Variants in PDE4D observed in about 807,000 individuals in gnomAD.
PDE4D encodes the protein 3',5'-cyclic-AMP phosphodiesterase 4D.
A neutral mutation model predicts 87.4 loss-of-function variants in PDE4D; 24 were observed. The ratio of observed to expected loss-of-function variants is 0.27; its 90% CI spans 0.20 to 0.39. The LOEUF (loss-of-function observed/expected upper bound fraction) is 0.39. Ranked by LOEUF, PDE4D falls within the 10% of genes least tolerant of loss-of-function variation. The pLI is 1.00. For missense variants in PDE4D, 714 were observed against 1,041.0 expected (o/e 0.69, Z 4.32); for synonymous variants, 384 against 383.2 (o/e 1.00, Z -0.02).
chr5:60,510,014 A>G (rs1346607720), intron 1 of PDE4D, among the ~76,000 whole-genome samples: 1 of 152,178 alleles, frequency 6.6e-6, no homozygotes, highest in African/African-American at 2.4e-5. Context: ...AGCTAGTTCC[A>G]GCACAACAGA....
intron 1 of PDE4D, among the ~76,000 whole-genome samples, chr5:59,509,969 T>G (rs1032480456): frequency 1.3e-5 from 2 of 148,704 alleles, no homozygotes; most frequent in Non-Finnish European, 3.0e-5. Context: ...TAATTATAAT[T>G]AATCCAGTGT....
At chr5:59,554,630 G>T (rs1295377582) in intron 1 of PDE4D, among the ~76,000 whole-genome samples, 1 of 152,080 alleles carries the variant, frequency 6.6e-6, no homozygotes, top group Non-Finnish European at 1.5e-5. Context: ...TTTTTCCTTA[G>T]GTGTCATCTA....
In PDE4D at chr5:59,140,002, T is replaced by C. The variant is rs191227658; in HGVS notation, c.808+40593A>G. ...CCTAGAAACATGTAAGTCTGAGATG[T>C]AAATTGCAGAACTAAAGATGATGGA... On this transcript the variant is annotated intron_variant, in intron 5 of 14. Transcript: ENST00000340635. Among the ~76,000 whole-genome samples, 36 of 152,296 alleles carry C rather than the reference T, an allele frequency of 2.4e-4. 1 individual carries two copies. The Middle Eastern group carries it at 0.014, about 58-fold the overall frequency.
chr5:60,265,207 C>T (rs1750066277), intron 1 of PDE4D, among the ~76,000 whole-genome samples: 1 of 152,126 alleles, frequency 6.6e-6, no homozygotes, highest in Non-Finnish European at 1.5e-5. Context: ...ACTCACAGCC[C>T]AGGGGAGGAC....
At chr5:60,192,460 T>C (rs1785271759) in intron 1 of PDE4D, among the ~76,000 whole-genome samples, 1 of 152,166 alleles carries the variant, frequency 6.6e-6, no homozygotes, top group African/African-American at 2.4e-5. Flanking sequence ...AAGTGCTTTG[T>C]ATGCAGAAAC....
chr5:60,084,413 C>G (rs978898088), intron 2 of PDE4D, among the ~76,000 whole-genome samples: 1 of 151,692 alleles, frequency 6.6e-6, no homozygotes, highest in African/African-American at 2.4e-5. Flanking sequence ...TGTGCGCGCG[C>G]GCGTGTGCGC....
At chr5:60,048,213 G>T (rs577555196) in intron 2 of PDE4D, among the ~76,000 whole-genome samples, 25 of 151,872 alleles carry the variant, frequency 1.6e-4, no homozygotes, top group African/African-American at 5.8e-4. Context: ...TTTTCCATTT[G>T]CTTGGTAGAT....
chr5:59,944,057 TC>T (rs1005175945), intron 3 of PDE4D, among the ~76,000 whole-genome samples: 1 of 152,134 alleles, frequency 6.6e-6, no homozygotes, highest in Non-Finnish European at 1.5e-5. Flanking sequence ...CACAAACAGA[TC>T]CTTAAAGTGT....
chr5:60,323,338 T>C (rs1252428261), intron 1 of PDE4D, among the ~76,000 whole-genome samples: 1 of 152,198 alleles, frequency 6.6e-6, no homozygotes, highest in East Asian at 1.9e-4. Context: ...GCTTCCAATG[T>C]CCCTATCCCA....
chr5:59,686,791 A>C (rs1417792117), intron 1 of PDE4D, among the ~76,000 whole-genome samples: 3 of 152,172 alleles, frequency 2.0e-5, no homozygotes, highest in Admixed American at 6.5e-5. Flanking sequence ...TGAAGGTGAG[A>C]ACTAAATGCT....
chr5:59,756,515 C>CACACACACACACACACACACAA (rs1761244173), intron 1 of PDE4D, among the ~76,000 whole-genome samples: 1 of 151,302 alleles, frequency 6.6e-6, no homozygotes, highest in Non-Finnish European at 1.5e-5. Context: ...AACATACACA[C>CACACACACACACACACACACAA]ACACACACAC....
chr5:59,858,377 G>T (rs928595588), intron 1 of PDE4D, among the ~76,000 whole-genome samples: 2 of 151,944 alleles, frequency 1.3e-5, no homozygotes, highest in Non-Finnish European at 2.9e-5. Context: ...CCTACTCCTT[G>T]CATCTATGTA....
In PDE4D at chr5:59,668,114, T is replaced by C. The variant is rs577131033; in HGVS notation, c.455+225054A>G. ...AGTCTCTTTGATGTTGACTAACTGATATTGAGGAAATATGTCAATTCTGTG... is the reference window on the plus strand; with the variant it reads ...AGTCTCTTTGATGTTGACTAACTGACATTGAGGAAATATGTCAATTCTGTG... On this transcript the variant is annotated intron_variant, in intron 1 of 14. Coordinates refer to ENST00000340635, the MANE Select transcript of PDE4D (RefSeq NM_001104631.2). Among the ~76,000 whole-genome samples, 17 of 152,362 alleles carry C rather than the reference T, an allele frequency of 1.1e-4. No individual in the cohort carries two copies. In the South Asian group the frequency reaches 3.3e-3, roughly 30 times the overall value.
chr5:60,070,762 T>A (rs977519841), intron 2 of PDE4D, among the ~76,000 whole-genome samples: 4 of 152,078 alleles, frequency 2.6e-5, no homozygotes, highest in African/African-American at 9.7e-5. Flanking sequence ...GGTATAAATT[T>A]TTCTTTAAAC....
intron 1 of PDE4D, among the ~76,000 whole-genome samples, chr5:59,762,303 CAT>C (rs1316785942): frequency 1.4e-5 from 2 of 140,920 alleles, no homozygotes; most frequent in East Asian, 2.1e-4. Context: ...TATGGGTACA[CAT>C]ATGCGTATAT....
At chr5:59,023,655 C>T (rs1755656509) in intron 6 of PDE4D, among the ~76,000 whole-genome samples, 1 of 151,624 alleles carries the variant, frequency 6.6e-6, no homozygotes. Flanking sequence ...GAACTTGTCT[C>T]CAAAAACAAA....
intron 2 of PDE4D, among the ~76,000 whole-genome samples, chr5:60,024,132 G>A (rs1766380551): frequency 6.6e-6 from 1 of 152,038 alleles, no homozygotes; most frequent in Non-Finnish European, 1.5e-5. Context: ...TAGTATTCAT[G>A]GTTAGAATTT....
At chr5:59,157,324 T>C (rs1453011744) in intron 5 of PDE4D, 5 of 702,626 alleles carry the variant, frequency 7.1e-6, no homozygotes, top group Middle Eastern at 4.6e-4. Context: ...GTGTTTCACA[T>C]GTCAAGTAAC....
At chr5:59,740,645 T>C (rs889789746) in intron 1 of PDE4D, among the ~76,000 whole-genome samples, 1 of 152,166 alleles carries the variant, frequency 6.6e-6, no homozygotes, top group East Asian at 1.9e-4. Flanking sequence ...GAATTAAATA[T>C]ACAATCAGTA....
Sources: gnomAD v4.1 joint callset for allele counts (sites outside exome capture counted in the v4.1 genomes callset) on GRCh38, gnomAD v4.1.1 for gene constraint, MANE v1.5 for transcripts, NCBI Gene and HGNC (gene_info 2026-07-23, HGNC 2026-07-21) for gene names.